Variants in EYS observed in about 807,000 individuals in gnomAD.
The protein encoded by EYS is EGF-like photoreceptor maintenance factor, also known as protein eyes shut homolog.
Under a neutral mutation model 282.1 loss-of-function variants are expected in EYS, and 250 were observed. The observed-to-expected ratio is 0.89, with a 90% CI of 0.80 to 0.98. EYS has a LOEUF of 0.98. Among genes scored for constraint, EYS ranks in the 50% least tolerant of loss-of-function variants. The pLI is 0.00. For synonymous variants in EYS, 1,355 were observed against 1,282.9 expected (o/e 1.06, Z -1.20); for missense variants, 4,016 against 3,709.0 (o/e 1.08, Z -2.15).
At chr6:65,155,476 C>A (rs989719791) in intron 12 of EYS, among the ~76,000 whole-genome samples, 6 of 151,428 alleles carry the variant, frequency 4.0e-5, no homozygotes, top group African/African-American at 9.7e-5. Context: ...GTAGAATTTT[C>A]TCCTGAATTA....
rs1015553139 is a variant in EYS, at chr6:64,466,257, C to G, written c.5645-26905G>C. ...AGCAATCCCACTCCTGGGTATACAT[C>G]CAAAGGTAATGAAATGAGTATGTCA... On this transcript the variant is annotated intron_variant, in intron 26 of 42. Transcript: ENST00000503581. 2.6e-5 allele frequency among the ~76,000 whole-genome samples: 4 copies of G among 151,998 alleles called. No homozygotes were observed. In the East Asian group the frequency reaches 7.7e-4, roughly 29 times the overall value.
At chr6:64,385,385 G>A (rs1772875113) in intron 29 of EYS, among the ~76,000 whole-genome samples, 1 of 152,106 alleles carries the variant, frequency 6.6e-6, no homozygotes, top group Non-Finnish European at 1.5e-5. Flanking sequence ...AAATCAATGA[G>A]GGGCTGACAT....
At chr6:65,469,386 T>TA (rs1006400578) in intron 5 of EYS, among the ~76,000 whole-genome samples, 2 of 152,094 alleles carry the variant, frequency 1.3e-5, no homozygotes, top group Non-Finnish European at 2.9e-5. Context: ...TGAATCTTCA[T>TA]AAAAAATATT....
chr6:64,240,926 A>C (rs1253230109), intron 30 of EYS, among the ~76,000 whole-genome samples: 1 of 152,158 alleles, frequency 6.6e-6, no homozygotes. Context: ...GATACATTCC[A>C]TCACTGCCTA....
intron 30 of EYS, among the ~76,000 whole-genome samples, chr6:64,303,153 G>A (rs1026932063): frequency 1.3e-5 from 2 of 152,142 alleles, no homozygotes; most frequent in Non-Finnish European, 2.9e-5. Flanking sequence ...GCCTGCATGT[G>A]GTACCTGCTA....
intron 26 of EYS, among the ~76,000 whole-genome samples, chr6:64,508,236 A>G (rs1168196674): frequency 1.3e-5 from 2 of 152,206 alleles, no homozygotes; most frequent in Non-Finnish European, 2.9e-5. Flanking sequence ...TCCAACAAAT[A>G]AGAAAATTGG....
At chr6:64,681,723 T>C (rs1769905306) in intron 22 of EYS, among the ~76,000 whole-genome samples, 1 of 152,058 alleles carries the variant, frequency 6.6e-6, no homozygotes, top group Non-Finnish European at 1.5e-5. Flanking sequence ...CCGACAAGGT[T>C]AAGGAGAGCG....
intron 15 of EYS, among the ~76,000 whole-genome samples, chr6:64,923,147 CG>C (rs894206784): frequency 6.6e-6 from 1 of 150,964 alleles, no homozygotes; most frequent in African/African-American, 2.4e-5. Context: ...ATACTAGACA[CG>C]GGGGAAAAAA....
chr6:65,255,216 A>G (rs1767429071), intron 12 of EYS, among the ~76,000 whole-genome samples: 1 of 152,008 alleles, frequency 6.6e-6, no homozygotes, highest in East Asian at 1.9e-4. Context: ...ACACAGAATT[A>G]AATCCATACA....
chr6:65,243,134 T>A (rs1001327713), intron 12 of EYS, among the ~76,000 whole-genome samples: 3 of 152,164 alleles, frequency 2.0e-5, no homozygotes, highest in African/African-American at 7.2e-5. Flanking sequence ...TCAGGCATAT[T>A]TTGATGTGCA....
At chr6:65,463,578 AAACT>A (rs1472898115) in intron 5 of EYS, among the ~76,000 whole-genome samples, 1 of 152,220 alleles carries the variant, frequency 6.6e-6, no homozygotes, top group Non-Finnish European at 1.5e-5. Flanking sequence ...AATAATTTAT[AAACT>A]AATTTGTGCA....
intron 35 of EYS, among the ~76,000 whole-genome samples, chr6:63,878,299 T>C (rs889832858): frequency 1.3e-5 from 2 of 152,172 alleles, no homozygotes; most frequent in African/African-American, 2.4e-5. Context: ...GCAAATATTG[T>C]AGAACGGCAG....
chr6:63,959,440 G>T (rs2149773631), intron 35 of EYS, among the ~76,000 whole-genome samples: 2 of 152,200 alleles, frequency 1.3e-5, no homozygotes, highest in East Asian at 3.9e-4. Flanking sequence ...CAACCATTGG[G>T]GAAGACAGTG....
intron 13 of EYS, among the ~76,000 whole-genome samples, chr6:65,039,078 C>T (rs755132259): frequency 1.3e-5 from 2 of 151,230 alleles, no homozygotes; most frequent in African/African-American, 2.4e-5. Context: ...TTTACATGTT[C>T]TAATACAAAA....
chr6:65,704,987 T>C (rs1769823310), intron 1 of EYS, among the ~76,000 whole-genome samples: 2 of 152,226 alleles, frequency 1.3e-5, no homozygotes, highest in African/African-American at 4.8e-5. Flanking sequence ...GAATTTCCTC[T>C]GGGAACACAT....
At chr6:63,924,251 A>G (rs757783841) in intron 35 of EYS, among the ~76,000 whole-genome samples, 1 of 152,228 alleles carries the variant, frequency 6.6e-6, no homozygotes, top group Non-Finnish European at 1.5e-5. Context: ...AAGCCTAAAC[A>G]TGACTTATGT....
intron 22 of EYS, among the ~76,000 whole-genome samples, chr6:64,775,698 A>T (rs567543695): frequency 1.1e-3 from 163 of 152,202 alleles, no homozygotes; most frequent in Non-Finnish European, 1.7e-3. Flanking sequence ...TTTTTGAAAG[A>T]CAAATATTTA....
chr6:64,211,172 A>G (rs1765754374), intron 31 of EYS, among the ~76,000 whole-genome samples: 1 of 152,044 alleles, frequency 6.6e-6, no homozygotes, highest in Non-Finnish European at 1.5e-5. Flanking sequence ...TAATCTATCT[A>G]TCCGTCTATC....
chr6:64,297,496 A>C (rs1446489937), intron 30 of EYS, among the ~76,000 whole-genome samples: 1 of 152,230 alleles, frequency 6.6e-6, no homozygotes, highest in Non-Finnish European at 1.5e-5. Flanking sequence ...TTGAAAACTA[A>C]AGACGAAGTG....
Sources: allele counts gnomAD v4.1 joint callset (sites outside exome capture counted in the v4.1 genomes callset), GRCh38; gene constraint gnomAD v4.1.1; transcripts MANE v1.5; gene names NCBI Gene and HGNC (gene_info 2026-07-23, HGNC 2026-07-21).